Variants in CDH13 observed in about 807,000 individuals in gnomAD.
CDH13 encodes cadherin-13.
A neutral mutation model predicts 63.8 loss-of-function variants in CDH13; 24 were observed. The ratio of observed to expected loss-of-function variants is 0.38; its 90% CI spans 0.27 to 0.53. The LOEUF (loss-of-function observed/expected upper bound fraction) is 0.53, where lower values mean the gene tolerates loss of function less well. Among genes scored for constraint, CDH13 ranks in the 20% least tolerant of loss-of-function variants. The pLI, the probability that CDH13 is intolerant of heterozygous loss-of-function variation, is 0.85. For synonymous variants in CDH13, 503 were observed against 355.3 expected (o/e 1.42, Z -4.67); for missense variants, 1,049 against 903.1 (o/e 1.16, Z -2.07).
chr16:82,809,627 C>G (rs953565533), intron 1 of CDH13, among the ~76,000 whole-genome samples: 2 of 152,106 alleles, frequency 1.3e-5, no homozygotes, highest in Non-Finnish European at 2.9e-5. Flanking sequence ...TATGTACGTA[C>G]TTCCCTTAGC....
At chr16:82,816,642 A>G (rs554539386) in intron 1 of CDH13, among the ~76,000 whole-genome samples, 1 of 152,186 alleles carries the variant, frequency 6.6e-6, no homozygotes, top group East Asian at 1.9e-4. Context: ...TGTCTGAGGA[A>G]GCCCAAGGAG....
chr16:82,849,512 TAAATA>T (rs994480084), intron 1 of CDH13, among the ~76,000 whole-genome samples: 1 of 151,936 alleles, frequency 6.6e-6, no homozygotes, highest in African/African-American at 2.4e-5. Context: ...AAAAAATAAA[TAAATA>T]AAATAAAGTG....
chr16:83,280,051 G>T (rs537348526), intron 5 of CDH13, among the ~76,000 whole-genome samples: 27 of 152,252 alleles, frequency 1.8e-4, no homozygotes, highest in Admixed American at 6.5e-4. Flanking sequence ...TCAGGGTGGT[G>T]GTTGCTGAAG....
At chr16:83,328,841 G>GA (rs201709508) in intron 5 of CDH13, among the ~76,000 whole-genome samples, 5 of 151,270 alleles carry the variant, frequency 3.3e-5, no homozygotes, top group Admixed American at 1.3e-4. Flanking sequence ...AAATGCTTAA[G>GA]AAAAAAAAAT....
chr16:83,596,957 T>C (rs1907320740), intron 7 of CDH13, among the ~76,000 whole-genome samples: 1 of 152,210 alleles, frequency 6.6e-6, no homozygotes, highest in African/African-American at 2.4e-5. Flanking sequence ...GCACGGTGTC[T>C]CATGCCTATA....
intron 3 of CDH13, among the ~76,000 whole-genome samples, chr16:83,052,840 G>C (rs1246151985): frequency 7.7e-6 from 1 of 129,774 alleles, no homozygotes; most frequent in African/African-American, 3.0e-5. Context: ...AAATAGAAAA[G>C]ACAGATCATC....
intron 7 of CDH13, among the ~76,000 whole-genome samples, chr16:83,524,956 G>A (rs1219388071): frequency 1.3e-5 from 2 of 152,190 alleles, no homozygotes. Flanking sequence ...GTAGACCAAT[G>A]ATTTTCTCAT....
At chr16:83,165,170 G>A (rs1023720975) in intron 4 of CDH13, among the ~76,000 whole-genome samples, 1 of 152,034 alleles carries the variant, frequency 6.6e-6, no homozygotes, top group African/African-American at 2.4e-5. Context: ...GAGGATCAAG[G>A]GAAAAAGGCC....
intron 6 of CDH13, among the ~76,000 whole-genome samples, chr16:83,346,815 G>A (rs911717711): frequency 1.1e-4 from 16 of 152,014 alleles, no homozygotes; most frequent in Admixed American, 2.6e-4. Context: ...TTTTTAGATA[G>A]AGTTCTTTAT....
rs959087375 is a variant in CDH13, at chr16:83,376,408, G to A, written c.781+31402G>A. Reference sequence around the variant, plus strand: ...AGTGAAAGAATGGTGGTCGCTTAAGGGAAAAGGAGAATGCTGATATCAAGA... The same window carrying A: ...AGTGAAAGAATGGTGGTCGCTTAAGAGAAAAGGAGAATGCTGATATCAAGA... On this transcript the variant is annotated intron_variant, in intron 6 of 13. Coordinates refer to ENST00000567109, the MANE Select transcript of CDH13 (RefSeq NM_001257.5). Among the ~76,000 whole-genome samples the A allele has an allele frequency of 2.0e-5, 3 of 152,202 alleles. No homozygotes were observed. The East Asian group carries it at 5.8e-4, about 30-fold the overall frequency.
chr16:82,822,444 A>C (rs2038046437), intron 1 of CDH13, among the ~76,000 whole-genome samples: 1 of 152,238 alleles, frequency 6.6e-6, no homozygotes, highest in Admixed American at 6.5e-5. Context: ...TACTTTTTTA[A>C]AAAATAAAAG....
intron 8 of CDH13, among the ~76,000 whole-genome samples, chr16:83,613,433 A>G (rs1909022640): frequency 6.6e-6 from 1 of 152,162 alleles, no homozygotes; most frequent in South Asian, 2.1e-4. Flanking sequence ...ACATACATAT[A>G]CACACACACA....
chr16:82,792,655 T>C (rs556068599), intron 1 of CDH13, among the ~76,000 whole-genome samples: 1 of 152,356 alleles, frequency 6.6e-6, no homozygotes, highest in South Asian at 2.1e-4. Flanking sequence ...GGACCTTCAT[T>C]CAGGGTGAAT....
intron 4 of CDH13, among the ~76,000 whole-genome samples, chr16:83,137,833 G>A (rs115508617): frequency 6.6e-6 from 1 of 152,086 alleles, no homozygotes; most frequent in African/African-American, 2.4e-5. Flanking sequence ...ACTGGATGGA[G>A]ATGGGAAAGA....
chr16:83,340,621 T>G (rs2090700484), intron 5 of CDH13, among the ~76,000 whole-genome samples: 1 of 152,170 alleles, frequency 6.6e-6, no homozygotes, highest in Non-Finnish European at 1.5e-5. Context: ...AAAATGGGTT[T>G]CCTCTGTAGG....
chr16:83,574,862 C>T (rs1272657016), intron 7 of CDH13, among the ~76,000 whole-genome samples: 1 of 151,992 alleles, frequency 6.6e-6, no homozygotes, highest in South Asian at 2.1e-4. Context: ...AAACTCCAAC[C>T]CATGAAAAGT....
intron 2 of CDH13, among the ~76,000 whole-genome samples, chr16:82,977,224 C>T (rs781686333): frequency 1.3e-5 from 2 of 152,142 alleles, no homozygotes; most frequent in African/African-American, 4.8e-5. Flanking sequence ...GACCCAGTGT[C>T]CTTTGTGGGC....
intron 1 of CDH13, among the ~76,000 whole-genome samples, chr16:82,692,099 A>G (rs932927947): frequency 2.0e-5 from 3 of 152,248 alleles, no homozygotes; most frequent in African/African-American, 7.2e-5. Context: ...AGAAAAGTAC[A>G]TGAATTATAT....
chr16:83,376,446 G>C (rs925129369), intron 6 of CDH13, among the ~76,000 whole-genome samples: 2 of 152,210 alleles, frequency 1.3e-5, no homozygotes, highest in Admixed American at 1.3e-4. Context: ...AAGGAGAACA[G>C]ACGCAGGACA....
Sources: gnomAD v4.1 joint callset for allele counts (sites outside exome capture counted in the v4.1 genomes callset) on GRCh38, gnomAD v4.1.1 for gene constraint, MANE v1.5 for transcripts, NCBI Gene and HGNC (gene_info 2026-07-23, HGNC 2026-07-21) for gene names.